Variants in PDSS2 observed in about 807,000 individuals in gnomAD.
PDSS2 encodes the protein all trans-polyprenyl-diphosphate synthase PDSS2.
PDSS2 carries 31 observed loss-of-function variants against 44.5 expected under a neutral mutation model. The observed-to-expected ratio is 0.70, with a 90% CI of 0.52 to 0.94. The LOEUF is 0.94. PDSS2 is among the 40% of genes least tolerant of loss of function. PDSS2 has a pLI of 0.00. For missense variants in PDSS2, 452 were observed against 482.2 expected (o/e 0.94, Z 0.59); for synonymous variants, 157 against 180.3 (o/e 0.87, Z 1.03).
At chr6:107,304,107 T>C (rs1582916402) in intron 2 of PDSS2, among the ~76,000 whole-genome samples, 1 of 152,172 alleles carries the variant, frequency 6.6e-6, no homozygotes, top group African/African-American at 2.4e-5. Flanking sequence ...ATGATTCCCT[T>C]TTTTCTTGAA....
At chr6:107,254,809 T>C (rs570880958) in intron 3 of PDSS2, among the ~76,000 whole-genome samples, 5 of 152,322 alleles carry the variant, frequency 3.3e-5, no homozygotes, top group Admixed American at 3.3e-4. Context: ...CTGCCTTCTA[T>C]TAGTGGCTTT....
At chr6:107,308,005 C>A (rs1222552524) in intron 2 of PDSS2, among the ~76,000 whole-genome samples, 5 of 152,122 alleles carry the variant, frequency 3.3e-5, no homozygotes, top group African/African-American at 1.2e-4. Context: ...CCTTTAGAGG[C>A]CTTCCTGATA....
chr6:107,319,447 T>A (rs547024841), intron 2 of PDSS2, among the ~76,000 whole-genome samples: 1 of 152,306 alleles, frequency 6.6e-6, no homozygotes, highest in African/African-American at 2.4e-5. Flanking sequence ...TCTGATTGAC[T>A]ATAAACTTGT....
chr6:107,333,484 T>C (rs1777776100), intron 2 of PDSS2, among the ~76,000 whole-genome samples: 1 of 152,194 alleles, frequency 6.6e-6, no homozygotes. Context: ...AAAAGTAGAC[T>C]ACAGCTCTTA....
intron 3 of PDSS2, among the ~76,000 whole-genome samples, chr6:107,267,680 A>T (rs1331100404): frequency 6.6e-6 from 1 of 151,526 alleles, no homozygotes; most frequent in Admixed American, 6.6e-5. Context: ...CCAACTCCTA[A>T]GCTCAAGAAA....
At chr6:107,254,967 G>C (rs371905057) in intron 3 of PDSS2, among the ~76,000 whole-genome samples, 4 of 151,038 alleles carry the variant, frequency 2.6e-5, no homozygotes, top group African/African-American at 7.3e-5. Flanking sequence ...AGGTTCAAGC[G>C]ATTCTCCTGC....
At chr6:107,160,201 G>A (rs1771073419) in intron 7 of PDSS2, among the ~76,000 whole-genome samples, 1 of 152,122 alleles carries the variant, frequency 6.6e-6, no homozygotes, top group Non-Finnish European at 1.5e-5. Flanking sequence ...GGGGGCTGCA[G>A]TGCGACTCTG....
intron 1 of PDSS2, among the ~76,000 whole-genome samples, chr6:107,425,963 A>G (rs1780988983): frequency 7.0e-6 from 1 of 142,188 alleles, no homozygotes; most frequent in African/African-American, 2.7e-5. Context: ...TTCGTCTCGA[A>G]AAAAAAAAAA....
At chr6:107,454,132 C>T (rs62428375) in intron 1 of PDSS2, among the ~76,000 whole-genome samples, 9,463 of 151,262 alleles carry the variant, frequency 0.063, 413 homozygotes, top group South Asian at 0.19. Flanking sequence ...ACTGCAGCCT[C>T]GACCTCCTGG....
At chr6:107,355,627 G>C (rs577106215) in intron 1 of PDSS2, among the ~76,000 whole-genome samples, 1 of 152,168 alleles carries the variant, frequency 6.6e-6, no homozygotes, top group Non-Finnish European at 1.5e-5. Flanking sequence ...TCCACAACCA[G>C]AAGCCCTTTT....
chr6:107,249,828 G>T (rs1219821028), intron 3 of PDSS2, among the ~76,000 whole-genome samples: 1 of 152,112 alleles, frequency 6.6e-6, no homozygotes, highest in East Asian at 1.9e-4. Flanking sequence ...GCAAATTGTT[G>T]ATCACTCCCA....
chr6:107,252,798 CG>C (rs1469264067), intron 3 of PDSS2, among the ~76,000 whole-genome samples: 3 of 152,050 alleles, frequency 2.0e-5, no homozygotes, highest in Non-Finnish European at 2.9e-5. Context: ...TTTTTAAAAT[CG>C]CAACTGATAC....
intron 2 of PDSS2, among the ~76,000 whole-genome samples, chr6:107,303,481 T>C (rs1031209826): frequency 2.0e-5 from 3 of 152,252 alleles, no homozygotes; most frequent in Non-Finnish European, 2.9e-5. Flanking sequence ...TTTTGCTATA[T>C]GTTTTTAACA....
intron 1 of PDSS2, among the ~76,000 whole-genome samples, chr6:107,405,618 C>T (rs972957539): frequency 2.6e-5 from 4 of 151,930 alleles, no homozygotes; most frequent in East Asian, 1.9e-4. Flanking sequence ...GAGGCCGAGG[C>T]GGGCGGATCA....
intron 1 of PDSS2, among the ~76,000 whole-genome samples, chr6:107,387,410 C>T (rs1779644376): frequency 6.6e-6 from 1 of 152,158 alleles, no homozygotes; most frequent in African/African-American, 2.4e-5. Flanking sequence ...CAAAAATTTC[C>T]TCAGCAAACC....
chr6:107,277,118 A>G (rs1477000589), intron 2 of PDSS2, among the ~76,000 whole-genome samples: 1 of 152,226 alleles, frequency 6.6e-6, no homozygotes, highest in Admixed American at 6.5e-5. Flanking sequence ...TGCCTTCCAC[A>G]TGTGCCCATT....
At chr6:107,173,572 C>CAAAAAAAAAAAAAAAAAAAAA (rs71012783) in intron 7 of PDSS2, among the ~76,000 whole-genome samples, 1 of 41,512 alleles carries the variant, frequency 2.4e-5, no homozygotes, top group African/African-American at 1.3e-4. Context: ...GACTCTGTCT[C>CAAAAAAAAAAAAAAAAAAAAA]AAAAAAAAAA....
chr6:107,343,464 G>A (rs893896942), intron 1 of PDSS2, among the ~76,000 whole-genome samples: 2 of 152,118 alleles, frequency 1.3e-5, no homozygotes, highest in Non-Finnish European at 2.9e-5. Context: ...TTAAGTTACA[G>A]TATATGATGT....
At chr6:107,197,383 T>C (rs751761374) in intron 6 of PDSS2, among the ~76,000 whole-genome samples, 2 of 146,982 alleles carry the variant, frequency 1.4e-5, no homozygotes, top group African/African-American at 2.5e-5. Flanking sequence ...AGTGAGAAGA[T>C]AGCTTACGGT....
Sources: allele counts gnomAD v4.1 joint callset (sites outside exome capture counted in the v4.1 genomes callset), GRCh38; gene constraint gnomAD v4.1.1; transcripts MANE v1.5; gene names NCBI Gene and HGNC (gene_info 2026-07-23, HGNC 2026-07-21).